The following COA4 variants were observed in gnomAD, a reference collection of about 807,000 sequenced individuals.
COA4 encodes cytochrome c oxidase assembly factor 4 homolog, mitochondrial.
A neutral mutation model predicts 7.3 loss-of-function variants in COA4; 8 were observed. The ratio of observed to expected loss-of-function variants is 1.10; its 90% CI spans 0.64 to 1.98. The LOEUF (loss-of-function observed/expected upper bound fraction) is 1.98, where lower values mean the gene tolerates loss of function less well. COA4 is among the 30% of genes most tolerant of loss of function. COA4 has a pLI of 0.00. For synonymous variants in COA4, 42 were observed against 44.3 expected (o/e 0.95, Z 0.21); for missense variants, 96 against 111.2 (o/e 0.86, Z 0.62).
chr11:73,873,335 A>G lies in COA4; in HGVS notation c.44T>C (p.Val15Ala), dbSNP rs756006210. 2.8e-5 allele frequency: 45 copies of G among 1,613,908 alleles called. No homozygotes were observed. Among genetic ancestry groups the G allele is most frequent in the Non-Finnish European group, 3.8e-5 (45 of 1,180,004 alleles). ...GTCCTCCTCCTCATCGTCTTTCTTC[A>G]CCCGTTGGGTCCAGGTATGGCCTTG... ...VPQGHTWTQR[V>A]KKDDEEEDPL... is the part of the protein sequence containing the mutation. The change falls in exon 2 of 2, where the codon GTG (valine) becomes GCG (alanine). Residue 15 changes from valine (V) to alanine (A), a missense_variant. Transcript: ENST00000355693.
Position 73,872,745 on chromosome 11 carries a change from A to C in COA4, c.*370T>G, listed in dbSNP as rs982674638. 1 of 194,700 alleles carries C rather than the reference A, an allele frequency of 5.1e-6. No homozygotes were observed. Among genetic ancestry groups the C allele is most frequent in the African/African-American group, 2.3e-5 (1 of 43,012 alleles). The allele number at this position is 194,700 out of a possible 1,614,324, so 12.1% of individuals were successfully genotyped here. ...ATCCAGAACAAGTGATGAAAGAGAA[A>C]GGCACTAATTAGGTAATCAATTTAC... On this transcript the variant is annotated 3_prime_UTR_variant, in exon 2 of 2. Transcript: ENST00000355693.
intron 1 of COA4, chr11:73,876,535 G>C (rs1948748651): frequency 1.3e-5 from 2 of 153,316 alleles, no homozygotes; most frequent in Admixed American, 6.5e-5. Flanking sequence ...TCAGAGATCA[G>C]GGTAGGCTAG....
rs759874976 is a variant in COA4, at chr11:73,873,301, G to A, written c.78C>T (p.Asp26=). Residue 26 remains aspartate (D), a synonymous_variant, in exon 2 of 2, where the codon GAC becomes GAT. Transcript: ENST00000355693. ...CACAGCCAGAGCGGGAGATCAGCTGGTCCAGCGGGTCCTCCTCCTCATCGT... is the reference window on the plus strand; with the variant it reads ...CACAGCCAGAGCGGGAGATCAGCTGATCCAGCGGGTCCTCCTCCTCATCGT... ...KKDDEEEDPL[D]QLISRSGCAA... The A allele has an allele frequency of 1.2e-6, 2 of 1,614,252 alleles. No individual in the cohort carries two copies. Among genetic ancestry groups the A allele is most frequent in the Admixed American group, 1.7e-5 (1 of 60,028 alleles).
At position 73,873,253 on chromosome 11, in the gene COA4, C is replaced by G; in HGVS notation, c.126G>C (p.Gln42His). 1.2e-6 allele frequency: 2 copies of G among 1,614,266 alleles called. No individual in the cohort carries two copies. Among genetic ancestry groups the G allele is most frequent in the Non-Finnish European group, 1.7e-6 (2 of 1,180,056 alleles). Residue 42 changes from glutamine to histidine, a missense_variant, in exon 2 of 2, where the codon CAG (glutamine) becomes CAC (histidine). Coordinates refer to ENST00000355693, the MANE Select transcript of COA4 (RefSeq NM_016565.3). ...AGTCCTGGTGCTGGGCCATGCACTCCTGCACTGCAAAGTGGGAGGCAGCAC... is the reference window on the plus strand; with the variant it reads ...AGTCCTGGTGCTGGGCCATGCACTCGTGCACTGCAAAGTGGGAGGCAGCAC... ...SGCAASHFAV[Q>H]ECMAQHQDWR... is the part of the protein sequence containing the mutation.
intron 1 of COA4, among the ~76,000 whole-genome samples, chr11:73,874,085 C>T (rs1303486032): frequency 6.6e-6 from 1 of 152,088 alleles, no homozygotes; most frequent in African/African-American, 2.4e-5. Flanking sequence ...GAGGCTGAGG[C>T]AGGAAGATCC....
At chr11:73,873,510 G>T in intron 1 of COA4, 116 bp from the exon 2 acceptor site, 6 of 831,040 alleles carry the variant, frequency 7.2e-6, no homozygotes, top group Non-Finnish European at 1.1e-5. Flanking sequence ...TCCCGTGGGA[G>T]ACTCTAAGCT....
At chr11:73,873,715 T>C in intron 1 of COA4, 1 of 325,690 alleles carries the variant, frequency 3.1e-6, no homozygotes, top group Non-Finnish European at 5.6e-6. Flanking sequence ...GACAAGGTTT[T>C]TCCATGTTGC....
At chr11:73,876,647 A>T in intron 1 of COA4, 110 bp downstream of exon 1, 1 of 178,586 alleles carries the variant, frequency 5.6e-6, no homozygotes, top group Non-Finnish European at 1.2e-5. Context: ...GAGGCGCCTC[A>T]GGCGTATCGA....
chr11:73,875,787 CTT>C (rs765958612), intron 1 of COA4: 1 of 152,062 alleles, frequency 6.6e-6, no homozygotes, highest in Non-Finnish European at 1.5e-5. Flanking sequence ...GAGTTTAAGA[CTT>C]TTTATTCTGA....
intron 1 of COA4, chr11:73,874,517 G>C (rs981097592): frequency 2.6e-5 from 4 of 152,184 alleles, no homozygotes; most frequent in Admixed American, 1.3e-4. Flanking sequence ...TGTAGTCCCA[G>C]GTACTCAAGA....
chr11:73,873,996 A>T (rs1172938932), intron 1 of COA4, among the ~76,000 whole-genome samples: 1 of 152,174 alleles, frequency 6.6e-6, no homozygotes, highest in African/African-American at 2.4e-5. Flanking sequence ...TTTTTAGATA[A>T]GCTATCTCTG....
chr11:73,873,523 AAGAC>A, intron 1 of COA4, 129 bp from the exon 2 acceptor site: 1 of 753,550 alleles, frequency 1.3e-6, no homozygotes, highest in Non-Finnish European at 2.1e-6. Context: ...TCTAAGCTTG[AAGAC>A]AGATGCTTGT....
chr11:73,873,656 C>T lies in COA4; in HGVS notation c.-16-262G>A, dbSNP rs1401315582. 13 of 502,430 alleles carry T rather than the reference C, an allele frequency of 2.6e-5. No homozygotes were observed. The Admixed American group carries it at 4.1e-4, about 16-fold the overall frequency. 31.1% of individuals were successfully genotyped at this position (502,430 alleles called of 1,614,324 possible). A position where few individuals can be genotyped will look rare whatever the true frequency, so the allele number is the denominator to read the frequency against. ...CCCTCCCTGGCCAGAGTAGCTGGGACTACAGGTGTGCATCACCACTCAGCT... is the reference window on the plus strand; with the variant it reads ...CCCTCCCTGGCCAGAGTAGCTGGGATTACAGGTGTGCATCACCACTCAGCT... On this transcript the variant is annotated intron_variant, in intron 1 of 1. Transcript: ENST00000355693.
chr11:73,873,514 C>A, intron 1 of COA4, 120 bp from the exon 2 acceptor site: 59 of 697,258 alleles, frequency 8.5e-5, no homozygotes, highest in Non-Finnish European at 1.3e-4. Context: ...GTGGGAGACT[C>A]TAAGCTTGAA....
At position 73,872,919 on chromosome 11, in the gene COA4, T is replaced by C; in HGVS notation, c.*196A>G. ...ACTGGTGGAACAAGACAGCTGAGAA[T>C]GTATGACATCTGACCATGAACATAT... On this transcript the variant is annotated 3_prime_UTR_variant, in exon 2 of 2. Coordinates refer to ENST00000355693, the MANE Select transcript of COA4 (RefSeq NM_016565.3). The C allele has an allele frequency of 1.6e-6, 1 of 623,122 alleles. No homozygotes were observed. Among genetic ancestry groups the C allele is most frequent in the Non-Finnish European group, 2.7e-6 (1 of 368,912 alleles). The allele number at this position is 623,122 out of a possible 1,614,324, so 38.6% of individuals were successfully genotyped here. A position where few individuals can be genotyped will look rare whatever the true frequency, so the allele number is the denominator to read the frequency against.
intron 1 of COA4, 60 bp from the exon 2 acceptor site, chr11:73,873,454 T>C (rs1565118561): frequency 6.8e-7 from 1 of 1,468,436 alleles, no homozygotes; most frequent in South Asian, 1.3e-5. Flanking sequence ...AAATTATAAA[T>C]AGCACTGACC....
intron 1 of COA4, among the ~76,000 whole-genome samples, chr11:73,875,526 G>A (rs1486323742): frequency 6.6e-6 from 1 of 152,168 alleles, no homozygotes; most frequent in Non-Finnish European, 1.5e-5. Context: ...ACAAGGGCAG[G>A]AATAGGCAGG....
intron 1 of COA4, 145 bp from the exon 2 acceptor site, chr11:73,873,539 T>C: frequency 1.8e-6 from 1 of 545,798 alleles, no homozygotes; most frequent in Non-Finnish European, 2.9e-6. Flanking sequence ...GATGCTTGTT[T>C]TTTTTTTTTT....
chr11:73,875,651 A>G (rs1948734109), intron 1 of COA4: 1 of 151,134 alleles, frequency 6.6e-6, no homozygotes, highest in Non-Finnish European at 1.5e-5. Flanking sequence ...TTGAGATAGA[A>G]TCTGACACAT....
Sources: allele counts gnomAD v4.1 joint callset (sites outside exome capture counted in the v4.1 genomes callset), GRCh38; gene constraint gnomAD v4.1.1; transcripts MANE v1.5; gene names NCBI Gene and HGNC (gene_info 2026-07-23, HGNC 2026-07-21).